The following SPDYE21 variants were observed in gnomAD, a reference collection of about 807,000 sequenced individuals.
SPDYE21 encodes the protein speedy/RINGO cell cycle regulator family member E21.
Under a neutral mutation model 36.2 loss-of-function variants are expected in SPDYE21, and 14 were observed. The observed-to-expected ratio is 0.39, with a 90% confidence interval of 0.26 to 0.61. SPDYE21 has a LOEUF of 0.61. Among genes scored for constraint, SPDYE21 ranks in the 20% least tolerant of loss-of-function variants. SPDYE21 has a pLI of 0.55. For synonymous variants in SPDYE21, 58 were observed against 155.1 expected (o/e 0.37, Z 4.65); for missense variants, 233 against 424.6 (o/e 0.55, Z 3.97).
rs1195176870 is a variant in SPDYE21, at chr7:67,278,361, G to A, written c.-353G>A. Among the ~76,000 whole-genome samples the A allele has an allele frequency of 1.5e-5, 2 of 136,656 alleles. No homozygotes were observed. Among genetic ancestry groups the A allele is most frequent in the African/African-American group, 2.8e-5 (1 of 35,152 alleles). 89.7% of individuals were successfully genotyped at this position (136,656 alleles called of 152,430 possible). A position where few individuals can be genotyped will look rare whatever the true frequency, so the allele number is the denominator to read the frequency against. On this transcript the variant is annotated 5_prime_UTR_variant, in exon 2 of 9. Transcript: ENST00000424157. ...CATGCTTCAGGCTTTGAGTGGAGAG[G>A]ACACAGCCTCTGCTGGGACAGGGAA...
At chr7:67,280,975 G>C in intron 3 of SPDYE21, among the ~76,000 whole-genome samples, 2 of 147,826 alleles carry the variant, frequency 1.4e-5, no homozygotes, top group South Asian at 4.4e-4. Context: ...CCAGCTACTT[G>C]GGAGGCTTAG....
At chr7:67,283,276 C>G (rs1802673966) in intron 5 of SPDYE21, among the ~76,000 whole-genome samples, 1 of 150,188 alleles carries the variant, frequency 6.7e-6, no homozygotes, top group Admixed American at 6.6e-5. Context: ...TGGGACTAGG[C>G]ACATGCCACC....
chr7:67,277,402 CTCTT>C (rs148594915), intron 1 of SPDYE21, among the ~76,000 whole-genome samples: 23,231 of 151,670 alleles, frequency 0.15, 2,325 homozygotes, highest in East Asian at 0.4. Context: ...TGTCATGTAA[CTCTT>C]TCATTTTTTA....
At position 67,277,043 on chromosome 7, in the gene SPDYE21, G is replaced by A. The variant is rs1320712960; in HGVS notation, c.-442G>A. 6.6e-6 allele frequency among the ~76,000 whole-genome samples: 1 copy of A among 152,016 alleles called. No homozygotes were observed. Among genetic ancestry groups the A allele is most frequent in the East Asian group, 1.9e-4 (1 of 5,192 alleles). On this transcript the variant is annotated 5_prime_UTR_variant, in exon 1 of 9. In the 5' UTR this introduces an upstream ATG that the reference lacks. Coordinates refer to ENST00000424157, the MANE Select transcript of SPDYE21 (RefSeq NM_001382715.2). ...GAAAGCAGCAGCCCATTAGGAAAAC[G>A]TGTGGGAACTCACTCGCAGGTTCTT...
intron 4 of SPDYE21, among the ~76,000 whole-genome samples, chr7:67,282,052 A>C (rs1279379045): frequency 6.6e-6 from 1 of 151,230 alleles, no homozygotes. Flanking sequence ...AGAATCGCTT[A>C]AACCCGGGAG....
intron 8 of SPDYE21, among the ~76,000 whole-genome samples, chr7:67,286,918 C>G (rs1053162105): frequency 7.2e-4 from 110 of 152,302 alleles, no homozygotes; most frequent in African/African-American, 2.5e-3. Flanking sequence ...GCACTCCAGT[C>G]TGGGCGACAG....
At chr7:67,280,766 G>A (rs373599436) in intron 3 of SPDYE21, among the ~76,000 whole-genome samples, 121 of 121,830 alleles carry the variant, frequency 9.9e-4, no homozygotes, top group East Asian at 2.6e-3. Flanking sequence ...GAAGGAGCAC[G>A]TGAGGAGGGT....
chr7:67,286,651 C>T lies in SPDYE21; in HGVS notation c.*32C>T, dbSNP rs961664398. Among the ~76,000 whole-genome samples the T allele has an allele frequency of 1.3e-5, 2 of 151,974 alleles. No homozygotes were observed. The highest frequency in any genetic ancestry group is 4.8e-5 in the African/African-American group (2 of 41,386). On this transcript the variant is annotated 3_prime_UTR_variant, in exon 8 of 9. Transcript: ENST00000424157. ...AGGGACCGTGGAGGCCTGAGGTCAT[C>T]GGCCTGAGAGAAGGTACATCTGCAT...
chr7:67,281,488 CT>C lies in SPDYE21; in HGVS notation c.495del (p.Glu166SerfsTer16). 1 of 1,587,856 alleles carries C rather than the reference CT, an allele frequency of 6.3e-7. No individual in the cohort carries two copies. Among genetic ancestry groups the C allele is most frequent in the East Asian group, 2.3e-5 (1 of 44,130 alleles). ...LEEEPRKVLA[P>X]EPEEIWVAEM... ...GAGGAGCCACGGAAGGTGCTCGCCC[CT>C]GAGCCTGAGGAGATCTGGGTGGCGG... On this transcript the variant is annotated frameshift_variant, in exon 4 of 9. Transcript: ENST00000424157. LOFTEE classifies it high-confidence loss of function.
chr7:67,286,086 A>G lies in SPDYE21; in HGVS notation c.798A>G (p.Lys266=). ...TGGAGGAGGACGACGAGGACTCCAA[A>G]CAAAACATCTTCCACTTCCTGTATG... The part of the protein sequence containing the change: ...NDMEEDDEDS[K]QNIFHFLYGK... Residue 266 remains lysine, a synonymous_variant, in exon 7 of 9, where the codon AAA becomes AAG. Transcript: ENST00000424157. 2 of 1,613,814 alleles carry G rather than the reference A, an allele frequency of 1.2e-6. No individual in the cohort carries two copies. The highest frequency in any genetic ancestry group is 2.2e-5 in the South Asian group (2 of 91,054).
In SPDYE21 at chr7:67,288,647, T is replaced by G. The variant is rs1269055646; in HGVS notation, c.*1175T>G. The stretch of plus-strand genomic sequence containing the variant: ...TTTTGTTTTCCTTTTTAAGAGAGGA[T>G]TCTTTTCATCCTAAATCTTTTACCT... On this transcript the variant is annotated 3_prime_UTR_variant, in exon 9 of 9. Transcript: ENST00000424157. Among the ~76,000 whole-genome samples, 1 of 148,732 alleles carries G rather than the reference T, an allele frequency of 6.7e-6. No homozygotes were observed. Among genetic ancestry groups the G allele is most frequent in the Non-Finnish European group, 1.5e-5 (1 of 66,926 alleles).
chr7:67,284,645 T>C (rs2116512365), intron 6 of SPDYE21, among the ~76,000 whole-genome samples: 1 of 146,844 alleles, frequency 6.8e-6, no homozygotes, highest in African/African-American at 2.5e-5. Context: ...ACAAACGCCA[T>C]CGACCTCCTC....
Position 67,287,885 on chromosome 7 carries a change from C to T in SPDYE21, c.*413C>T, listed in dbSNP as rs1351243375. On this transcript the variant is annotated 3_prime_UTR_variant, in exon 9 of 9. Transcript: ENST00000424157. ...TCCAGGAGCATTTGAAGGCACAATGCAGGGGCTCAGATTGGCACAGAATTC... is the reference window on the plus strand; with the variant it reads ...TCCAGGAGCATTTGAAGGCACAATGTAGGGGCTCAGATTGGCACAGAATTC... 6.6e-6 allele frequency among the ~76,000 whole-genome samples: 1 copy of T among 151,958 alleles called. No individual in the cohort carries two copies. Among genetic ancestry groups the T allele is most frequent in the African/African-American group, 2.4e-5 (1 of 41,352 alleles).
intron 5 of SPDYE21, among the ~76,000 whole-genome samples, chr7:67,283,426 T>C (rs973568996): frequency 4.6e-5 from 7 of 152,190 alleles, no homozygotes. Context: ...GAGCAGCCAC[T>C]CCCGGCTATT....
chr7:67,285,273 T>G (rs1802708775), intron 6 of SPDYE21, among the ~76,000 whole-genome samples: 1 of 152,214 alleles, frequency 6.6e-6, no homozygotes, highest in African/African-American at 2.4e-5. Context: ...TAGAGTGCAG[T>G]GGTGAGATCA....
chr7:67,278,906 G>C (rs1170581019), intron 2 of SPDYE21, among the ~76,000 whole-genome samples, 33 bp downstream of exon 2: 13 of 151,234 alleles, frequency 8.6e-5, no homozygotes, highest in Admixed American at 8.6e-4. Context: ...AGGTGGGATA[G>C]GATTGACTAA....
chr7:67,285,118 T>C (rs1362601632), intron 6 of SPDYE21, among the ~76,000 whole-genome samples: 5 of 152,000 alleles, frequency 3.3e-5, no homozygotes, highest in Non-Finnish European at 5.9e-5. Context: ...TCTAGTTACA[T>C]CCTGGACACT....
chr7:67,283,601 C>T (rs945285790), intron 5 of SPDYE21, among the ~76,000 whole-genome samples: 6 of 152,134 alleles, frequency 3.9e-5, no homozygotes, highest in African/African-American at 1.4e-4. Flanking sequence ...CTCAGCTCTT[C>T]AGGACAGTTC....
At chr7:67,280,172 T>A (rs896829544) in intron 3 of SPDYE21, 136 bp downstream of exon 3, 6 of 1,480,692 alleles carry the variant, frequency 4.1e-6, no homozygotes, top group South Asian at 4.0e-5. Context: ...TCAGAAGTGA[T>A]CACTCATGAG....
Sources: gnomAD v4.1 joint callset for allele counts (sites outside exome capture counted in the v4.1 genomes callset) on GRCh38, gnomAD v4.1.1 for gene constraint, MANE v1.5 for transcripts, NCBI Gene and HGNC (gene_info 2026-07-23, HGNC 2026-07-21) for gene names.